Variants in CTNNA3 observed in about 807,000 individuals in gnomAD.
CTNNA3 encodes catenin alpha 3, also known as catenin alpha-3.
CTNNA3 carries 76 observed loss-of-function variants against 95.7 expected under a neutral mutation model. The ratio of observed to expected loss-of-function variants is 0.79; its 90% CI spans 0.66 to 0.96. CTNNA3 has a LOEUF of 0.96. CTNNA3 is among the 40% of genes least tolerant of loss of function. The pLI is 0.00. For synonymous variants in CTNNA3, 431 were observed against 374.4 expected, an observed-to-expected ratio of 1.15 and a Z score of -1.74; for missense variants, 1,191 against 1,089.8, an observed-to-expected ratio of 1.09 and a Z score of -1.31.
chr10:66,802,450 C>T (rs1213716563), intron 7 of CTNNA3, among the ~76,000 whole-genome samples: 4 of 151,750 alleles, frequency 2.6e-5, no homozygotes, highest in Admixed American at 2.6e-4. Flanking sequence ...ACCATCTCAA[C>T]ACCCACTAGA....
At chr10:67,559,027 GC>G (rs1841370744) in intron 3 of CTNNA3, among the ~76,000 whole-genome samples, 1 of 152,226 alleles carries the variant, frequency 6.6e-6, no homozygotes, top group South Asian at 2.1e-4. Flanking sequence ...AAGGAGGCCT[GC>G]CTGCCTCTGT....
At chr10:66,858,528 G>T (rs1037072174) in intron 7 of CTNNA3, among the ~76,000 whole-genome samples, 2 of 151,912 alleles carry the variant, frequency 1.3e-5, no homozygotes, top group South Asian at 2.1e-4. Flanking sequence ...AATTCATCTG[G>T]TCCTGGGCTT....
intron 1 of CTNNA3, among the ~76,000 whole-genome samples, chr10:67,736,950 A>G (rs1259963186): frequency 2.0e-5 from 3 of 151,892 alleles, no homozygotes; most frequent in Non-Finnish European, 4.4e-5. Context: ...AAATCATATC[A>G]AGTACCTTTT....
chr10:67,441,520 C>A (rs1253796673), intron 5 of CTNNA3, among the ~76,000 whole-genome samples: 1 of 151,998 alleles, frequency 6.6e-6, no homozygotes, highest in Non-Finnish European at 1.5e-5. Flanking sequence ...AATAACAAAA[C>A]TCCCAAAGTT....
intron 7 of CTNNA3, among the ~76,000 whole-genome samples, chr10:66,864,478 T>C (rs563836787): frequency 2.6e-5 from 4 of 152,240 alleles, no homozygotes; most frequent in Admixed American, 2.6e-4. Flanking sequence ...AGAAGTAAAT[T>C]TCTTTTCTGT....
intron 7 of CTNNA3, among the ~76,000 whole-genome samples, chr10:66,923,786 T>C (rs951240229): frequency 4.6e-5 from 7 of 152,232 alleles, no homozygotes; most frequent in African/African-American, 7.2e-5. Context: ...GAGGAAATTT[T>C]CAGGACTCAA....
intron 13 of CTNNA3, among the ~76,000 whole-genome samples, chr10:66,235,629 G>T: frequency 6.6e-6 from 1 of 152,046 alleles, no homozygotes; most frequent in Middle Eastern, 3.4e-3. Flanking sequence ...TAGAATTTTC[G>T]TGGATAGTTC....
At chr10:67,567,053 G>A (rs1841831482) in intron 3 of CTNNA3, among the ~76,000 whole-genome samples, 1 of 149,002 alleles carries the variant, frequency 6.7e-6, no homozygotes, top group Non-Finnish European at 1.5e-5. Flanking sequence ...GATAGCATTA[G>A]GAGATATACC....
intron 6 of CTNNA3, among the ~76,000 whole-genome samples, chr10:67,207,255 C>T (rs963292885): frequency 6.6e-6 from 1 of 152,100 alleles, no homozygotes; most frequent in Non-Finnish European, 1.5e-5. Context: ...TAAGATCTAG[C>T]AGTCAGCCTA....
intron 5 of CTNNA3, among the ~76,000 whole-genome samples, chr10:67,239,966 C>A (rs1865655005): frequency 6.6e-6 from 1 of 152,170 alleles, no homozygotes; most frequent in Admixed American, 6.5e-5. Context: ...GCAACTGATT[C>A]CATGAACCGT....
intron 7 of CTNNA3, among the ~76,000 whole-genome samples, chr10:67,069,310 C>A (rs1031453285): frequency 6.6e-6 from 1 of 151,950 alleles, no homozygotes; most frequent in Non-Finnish European, 1.5e-5. Context: ...TCTTTTACCC[C>A]AATGCAGAAA....
intron 7 of CTNNA3, chr10:66,837,642 A>G (rs1205201988): frequency 1.3e-5 from 2 of 152,158 alleles, no homozygotes; most frequent in East Asian, 1.9e-4. Flanking sequence ...TTCAATTGCC[A>G]TTCAAGAAGA....
intron 1 of CTNNA3, among the ~76,000 whole-genome samples, chr10:67,650,804 A>G (rs77270131): frequency 0.018 from 2,806 of 152,244 alleles, 89 homozygotes; most frequent in African/African-American, 0.064. Flanking sequence ...AGCAAAGGAG[A>G]GGGATGATGG....
chr10:66,434,777 G>A (rs773079132), intron 11 of CTNNA3, among the ~76,000 whole-genome samples: 2 of 152,154 alleles, frequency 1.3e-5, no homozygotes, highest in African/African-American at 4.8e-5. Flanking sequence ...TATTGGCTGT[G>A]AGTTTGTCAT....
intron 6 of CTNNA3, among the ~76,000 whole-genome samples, chr10:67,181,740 G>T (rs1293541419): frequency 6.6e-6 from 1 of 151,870 alleles, no homozygotes; most frequent in Admixed American, 6.6e-5. Flanking sequence ...AATATTTGGG[G>T]ATTGAAAGTA....
intron 9 of CTNNA3, among the ~76,000 whole-genome samples, chr10:66,764,850 A>C (rs892882521): frequency 5.9e-5 from 9 of 152,234 alleles, no homozygotes; most frequent in African/African-American, 2.2e-4. Context: ...TTAATTAAAA[A>C]TTATCCTGAA....
intron 13 of CTNNA3, among the ~76,000 whole-genome samples, chr10:66,187,850 G>A (rs1409842109): frequency 1.3e-5 from 2 of 151,774 alleles, no homozygotes; most frequent in Non-Finnish European, 2.9e-5. Context: ...TTTTCAATAA[G>A]GAATTATGAG....
At chr10:66,494,477 T>C (rs1187872449) in intron 11 of CTNNA3, among the ~76,000 whole-genome samples, 1 of 152,228 alleles carries the variant, frequency 6.6e-6, no homozygotes, top group East Asian at 1.9e-4. Flanking sequence ...TGGCTTATCA[T>C]TCTTTTATTT....
chr10:66,739,208 C>G (rs1010305104), intron 9 of CTNNA3, among the ~76,000 whole-genome samples: 2 of 152,186 alleles, frequency 1.3e-5, no homozygotes. Context: ...CAATGGTTCT[C>G]AAACTTTAGT....
Sources: gnomAD v4.1 joint callset for allele counts (sites outside exome capture counted in the v4.1 genomes callset) on GRCh38, gnomAD v4.1.1 for gene constraint, MANE v1.5 for transcripts, NCBI Gene and HGNC (gene_info 2026-07-23, HGNC 2026-07-21) for gene names.